Variants in LRRC37A observed in about 807,000 individuals in gnomAD.
The protein encoded by LRRC37A is leucine-rich repeat-containing protein 37A.
LRRC37A carries 3 observed loss-of-function variants against 35.4 expected under a neutral mutation model. The observed-to-expected ratio is 0.08, with a 90% CI of 0.04 to 0.22. The LOEUF is 0.22. LRRC37A is among the 10% of genes least tolerant of loss of function. LRRC37A has a pLI of 1.00. For synonymous variants in LRRC37A, 23 were observed against 215.0 expected (o/e 0.11, Z 7.81); for missense variants, 67 against 565.3 (o/e 0.12, Z 8.94).
At chr17:46,288,182 C>T (rs1198171489), upstream of LRRC37A, among the ~76,000 whole-genome samples, 5 of 151,842 alleles carry the variant, frequency 3.3e-5, no homozygotes, top group Non-Finnish European at 7.4e-5. Context: ...CGCTGTATAA[C>T]CCAGGCTGCA....
the LRRC37A span, among the ~76,000 whole-genome samples, chr17:46,273,668 G>A: frequency 6.6e-6 from 1 of 152,210 alleles, no homozygotes; most frequent in Non-Finnish European, 1.5e-5. Context: ...TCCAGCTATG[G>A]CAGATTTTAT....
the LRRC37A span, among the ~76,000 whole-genome samples, chr17:46,249,558 C>T: frequency 7.2e-4 from 109 of 152,282 alleles, no homozygotes; most frequent in Non-Finnish European, 1.4e-3. Context: ...TTCTTAGACT[C>T]CTTGACCAAT....
At chr17:46,333,154 T>C (rs2052106538) in intron 10 of LRRC37A, among the ~76,000 whole-genome samples, 1 of 107,602 alleles carries the variant, frequency 9.3e-6, no homozygotes, top group African/African-American at 2.9e-5. Flanking sequence ...ATTGTCTAAA[T>C]AGGTCCAGTT....
At chr17:46,277,653 C>CTTTCTTTCTTTCT in the LRRC37A span, among the ~76,000 whole-genome samples, 165 of 137,868 alleles carry the variant, frequency 1.2e-3, no homozygotes, top group Admixed American at 2.0e-3. Flanking sequence ...TTCTTTCTTT[C>CTTTCTTTCTTTCT]TTTTTTTTTT....
At chr17:46,291,077 A>G (rs2050052938), upstream of LRRC37A, among the ~76,000 whole-genome samples, 1 of 152,258 alleles carries the variant, frequency 6.6e-6, no homozygotes, top group African/African-American at 2.4e-5. Context: ...TAAAGTCAAA[A>G]GAGAAGCAAT....
At chr17:46,250,173 C>G in the LRRC37A span, among the ~76,000 whole-genome samples, 1 of 152,208 alleles carries the variant, frequency 6.6e-6, no homozygotes, top group Non-Finnish European at 1.5e-5. Context: ...TCAAGTGATC[C>G]ATCCACCTCC....
the LRRC37A span, chr17:46,260,618 C>CGCT: frequency 8.5e-7 from 1 of 1,181,932 alleles, no homozygotes. Context: ...GCTCTCTATT[C>CGCT]TCTTTTTTTT....
chr17:46,250,001 T>C, the LRRC37A span, among the ~76,000 whole-genome samples: 5 of 152,230 alleles, frequency 3.3e-5, no homozygotes, highest in Admixed American at 2.6e-4. Flanking sequence ...AGATGGGGTT[T>C]CACCATGTTC....
chr17:46,269,422 T>G, the LRRC37A span, among the ~76,000 whole-genome samples: 1 of 152,134 alleles, frequency 6.6e-6, no homozygotes, highest in Non-Finnish European at 1.5e-5. Context: ...TAATCCCAGC[T>G]GAGGGAGGCT....
At chr17:46,266,007 G>T in the LRRC37A span, among the ~76,000 whole-genome samples, 1 of 152,212 alleles carries the variant, frequency 6.6e-6, no homozygotes, top group Non-Finnish European at 1.5e-5. Flanking sequence ...TGAGGCACGA[G>T]AATCGCTTGA....
At chr17:46,281,357 T>C in the LRRC37A span, among the ~76,000 whole-genome samples, 2 of 151,942 alleles carry the variant, frequency 1.3e-5, no homozygotes, top group African/African-American at 4.8e-5. Context: ...TAAAGTCCCG[T>C]GACTCGCATC....
the LRRC37A span, among the ~76,000 whole-genome samples, chr17:46,251,655 G>A: frequency 2.0e-5 from 3 of 151,346 alleles, no homozygotes; most frequent in African/African-American, 2.4e-5. Flanking sequence ...TGCCATAAAG[G>A]CTTGGTAAAC....
the LRRC37A span, among the ~76,000 whole-genome samples, chr17:46,264,079 A>G: frequency 1.3e-5 from 2 of 152,046 alleles, no homozygotes; most frequent in Non-Finnish European, 2.9e-5. Flanking sequence ...TGTAAGTAAA[A>G]TGCTATCCTG....
chr17:46,271,183 GAGA>G, the LRRC37A span, among the ~76,000 whole-genome samples: 1 of 43,748 alleles, frequency 2.3e-5, no homozygotes, highest in African/African-American at 6.2e-5. Context: ...TTTTTTTTTT[GAGA>G]AGGAGTTTCG....
chr17:46,273,359 CTT>C, the LRRC37A span, among the ~76,000 whole-genome samples: 2 of 152,146 alleles, frequency 1.3e-5, no homozygotes, highest in Non-Finnish European at 2.9e-5. Flanking sequence ...TGATTAGTCT[CTT>C]TAGTTTGTAA....
upstream of LRRC37A, among the ~76,000 whole-genome samples, chr17:46,291,135 ACTT>A (rs1350120007): frequency 2.6e-5 from 4 of 152,230 alleles, no homozygotes; most frequent in Non-Finnish European, 5.9e-5. Context: ...GAGAGACTGA[ACTT>A]CTTCTTTGGT....
chr17:46,278,741 C>T, the LRRC37A span, among the ~76,000 whole-genome samples: 1 of 152,130 alleles, frequency 6.6e-6, no homozygotes, highest in African/African-American at 2.4e-5. Context: ...AAAATTATAT[C>T]ATTCCATGCT....
the LRRC37A span, among the ~76,000 whole-genome samples, chr17:46,256,849 G>T: frequency 6.6e-6 from 1 of 152,116 alleles, no homozygotes; most frequent in African/African-American, 2.4e-5. Context: ...TCCCTATGAG[G>T]CACAGAACCC....
the LRRC37A span, among the ~76,000 whole-genome samples, chr17:46,256,923 G>A: frequency 2.0e-5 from 3 of 152,320 alleles, no homozygotes; most frequent in South Asian, 2.1e-4. Context: ...AGACTTCATC[G>A]CCATTTGTAG....
Sources: allele counts gnomAD v4.1 joint callset (sites outside exome capture counted in the v4.1 genomes callset), GRCh38; gene constraint gnomAD v4.1.1; transcripts MANE v1.5; gene names NCBI Gene and HGNC (gene_info 2026-07-23, HGNC 2026-07-21).